The following MICAL3 variants were observed in gnomAD, a reference collection of about 807,000 sequenced individuals.
The protein encoded by MICAL3 is microtubule associated monooxygenase, calponin and LIM domain containing 3.
Under a neutral mutation model 207.4 loss-of-function variants are expected in MICAL3, and 62 were observed. The observed-to-expected ratio is 0.30, with a 90% CI of 0.24 to 0.37. The LOEUF (loss-of-function observed/expected upper bound fraction) is 0.37. MICAL3 is among the 10% of genes least tolerant of loss of function. MICAL3 has a pLI of 1.00. For synonymous variants in MICAL3, 1,077 were observed against 1,069.3 expected (o/e 1.01, Z -0.14); for missense variants, 2,368 against 2,635.6 (o/e 0.90, Z 2.22).
intron 16 of MICAL3, chr22:17,879,510 C>T (rs1377893609): frequency 9.8e-6 from 8 of 816,704 alleles, no homozygotes; most frequent in East Asian, 2.7e-5. Flanking sequence ...CAACACATAT[C>T]GCCTTCCCCT....
intron 16 of MICAL3, chr22:17,876,957 G>A (rs1282228793): frequency 7.3e-6 from 1 of 137,264 alleles, no homozygotes; most frequent in Non-Finnish European, 1.5e-5. Context: ...GGAGGTTATG[G>A]AGGTTAGGGA....
chr22:17,843,408 G>A (rs983664349), intron 19 of MICAL3, among the ~76,000 whole-genome samples: 6 of 152,048 alleles, frequency 3.9e-5, no homozygotes, highest in Admixed American at 6.5e-5. Flanking sequence ...GAGTAGCACC[G>A]GGTCCAGGTG....
At chr22:17,853,951 C>T (rs1925616414) in intron 19 of MICAL3, among the ~76,000 whole-genome samples, 1 of 152,214 alleles carries the variant, frequency 6.6e-6, no homozygotes, top group African/African-American at 2.4e-5. Flanking sequence ...GAAGTGTGTT[C>T]ACGGTTTTGT....
At chr22:17,826,191 T>C (rs922319186) in intron 22 of MICAL3, among the ~76,000 whole-genome samples, 1 of 143,354 alleles carries the variant, frequency 7.0e-6, no homozygotes, top group African/African-American at 2.6e-5. Context: ...CTTTGGCCTT[T>C]TTATCCGACT....
In MICAL3 at chr22:17,889,080, G is replaced by A. The variant is rs765173671; in HGVS notation, c.1845C>T (p.Tyr615=). Residue 615 remains tyrosine (Y), a synonymous_variant, in exon 13 of 32, where the codon TAC becomes TAT. Coordinates refer to ENST00000441493, the MANE Select transcript of MICAL3 (RefSeq NM_015241.3). ...TAAACATCTCGTAGAACTGAGTCAGGTACATCACCATGGACAGCTTATCAG... is the reference window on the plus strand; with the variant it reads ...TAAACATCTCGTAGAACTGAGTCAGATACATCACCATGGACAGCTTATCAG... ...GEPDKLSMVM[Y]LTQFYEMFKD... The A allele has an allele frequency of 6.2e-7, 1 of 1,613,498 alleles. No homozygotes were observed. The highest frequency in any genetic ancestry group is 1.1e-5 in the South Asian group (1 of 91,026).
At chr22:17,827,527 C>T (rs1046561974) in intron 22 of MICAL3, 117 bp downstream of exon 22, 3 of 1,127,618 alleles carry the variant, frequency 2.7e-6, no homozygotes, top group South Asian at 3.6e-5. Context: ...ATGCGCCTGG[C>T]TCCCGTGTGT....
intron 19 of MICAL3, among the ~76,000 whole-genome samples, chr22:17,852,751 T>C (rs1925471515): frequency 6.6e-6 from 1 of 152,126 alleles, no homozygotes; most frequent in Non-Finnish European, 1.5e-5. Flanking sequence ...TACTCACATT[T>C]CCGACTTTCA....
chr22:17,835,831 T>C (rs1443633517), intron 20 of MICAL3, among the ~76,000 whole-genome samples: 1 of 152,148 alleles, frequency 6.6e-6, no homozygotes, highest in Non-Finnish European at 1.5e-5. Context: ...TCACACTCTC[T>C]CCAAGGGCAG....
chr22:17,818,698 G>T lies in MICAL3; in HGVS notation c.3963C>A (p.Ser1321Arg), dbSNP rs986448287. 6.8e-6 allele frequency: 11 copies of T among 1,613,632 alleles called. No individual in the cohort carries two copies. The highest frequency in any genetic ancestry group is 9.3e-6 in the Non-Finnish European group (11 of 1,179,826). Reference sequence around the variant, plus strand: ...TCATCCAGAACTCCTCCACCAGGTCGCTCCGTCTGAGGGCCTCATCCACAG... The same window carrying T: ...TCATCCAGAACTCCTCCACCAGGTCTCTCCGTCTGAGGGCCTCATCCACAG... ...PLAVDEALRR[S>R]DLVEEFWMKS... is the part of the protein sequence containing the mutation. The change falls in exon 26 of 32, where the codon AGC (serine) becomes AGA (arginine). Residue 1321 changes from serine to arginine, a missense_variant. This residue lies in a region of MICAL3 where 1,770 missense variants were observed against 1,863.2 expected (regional missense o/e 0.95). Coordinates refer to ENST00000441493, the MANE Select transcript of MICAL3 (RefSeq NM_015241.3).
intron 28 of MICAL3, 26 bp downstream of exon 28, chr22:17,810,677 C>A (rs376507777): frequency 2.0e-5 from 31 of 1,582,806 alleles, no homozygotes; most frequent in Non-Finnish European, 2.5e-5. Flanking sequence ...ATGCATGTGC[C>A]CTGGTCCCAT....
intron 19 of MICAL3, among the ~76,000 whole-genome samples, chr22:17,846,353 G>C (rs1924621738): frequency 6.6e-6 from 1 of 151,964 alleles, no homozygotes; most frequent in Non-Finnish European, 1.5e-5. Flanking sequence ...GCCAAAATAT[G>C]CTCCACATTC....
intron 1 of MICAL3, among the ~76,000 whole-genome samples, chr22:17,994,856 C>CCT (rs1042458392): frequency 2.2e-4 from 33 of 152,282 alleles, no homozygotes; most frequent in Middle Eastern, 3.4e-3. Context: ...GCTGTCCATC[C>CCT]CTCTCCTGCC....
intron 1 of MICAL3, among the ~76,000 whole-genome samples, chr22:17,942,817 C>A (rs1009117576): frequency 5.3e-5 from 8 of 152,220 alleles, no homozygotes; most frequent in African/African-American, 1.9e-4. Context: ...ATGGGTGCTG[C>A]CCTAAGAGAC....
intron 1 of MICAL3, among the ~76,000 whole-genome samples, chr22:17,910,152 C>T (rs770571535): frequency 2.6e-5 from 4 of 152,232 alleles, no homozygotes; most frequent in African/African-American, 4.8e-5. Flanking sequence ...GACATTCTTG[C>T]TGAAGCCAAT....
At chr22:17,814,244 T>C (rs2062078684) in intron 27 of MICAL3, 1 of 152,192 alleles carries the variant, frequency 6.6e-6, no homozygotes, top group Non-Finnish European at 1.5e-5. Context: ...AGGAAGACAA[T>C]GAACACCCAC....
chr22:18,002,062 G>A (rs58148855), intron 1 of MICAL3, among the ~76,000 whole-genome samples: 11,027 of 152,152 alleles, frequency 0.072, 1,086 homozygotes, highest in East Asian at 0.47. Flanking sequence ...GCCGGGCGTG[G>A]TTGCACGGGC....
chr22:17,981,873 T>A (rs1935922614), intron 1 of MICAL3, among the ~76,000 whole-genome samples: 1 of 152,106 alleles, frequency 6.6e-6, no homozygotes, highest in Non-Finnish European at 1.5e-5. Context: ...CCTGCTGAGG[T>A]ACAAGGATCG....
intron 1 of MICAL3, among the ~76,000 whole-genome samples, chr22:17,961,143 C>T (rs1054361459): frequency 3.3e-5 from 5 of 152,118 alleles, no homozygotes; most frequent in Non-Finnish European, 7.4e-5. Context: ...CAGAGGATGG[C>T]TGGCGGTGGC....
intron 1 of MICAL3, among the ~76,000 whole-genome samples, chr22:18,017,377 C>T (rs1045861660): frequency 6.6e-6 from 1 of 151,548 alleles, no homozygotes; most frequent in Admixed American, 6.6e-5. Flanking sequence ...CCATGCCTGG[C>T]TAATTTTTTT....
Sources: gnomAD v4.1 joint callset for allele counts (sites outside exome capture counted in the v4.1 genomes callset) on GRCh38, gnomAD v4.1.1 for gene constraint, gnomAD v4.1.1 regional missense constraint, MANE v1.5 for transcripts, NCBI Gene and HGNC (gene_info 2026-07-23, HGNC 2026-07-21) for gene names.